CACNA1A: variants seen among roughly 807,000 people sequenced by gnomAD.
The protein encoded by CACNA1A is calcium voltage-gated channel subunit alpha1 A, also known as voltage-dependent P/Q-type calcium channel subunit alpha-1A.
CACNA1A carries 57 observed loss-of-function variants against 262.4 expected under a neutral mutation model. The ratio of observed to expected loss-of-function variants is 0.22; its 90% CI spans 0.18 to 0.27. CACNA1A has a LOEUF of 0.27. CACNA1A is among the 10% of genes least tolerant of loss of function. The pLI is 1.00. For missense variants in CACNA1A, 2,526 were observed against 3,562.8 expected (o/e 0.71, Z 7.41); for synonymous variants, 1,431 against 1,419.3 (o/e 1.01, Z -0.18).
intron 4 of CACNA1A, among the ~76,000 whole-genome samples, chr19:13,369,864 T>C (rs1415527671): frequency 2.0e-5 from 3 of 152,250 alleles, no homozygotes; most frequent in African/African-American, 7.2e-5. Context: ...TCTGCTGGGA[T>C]CTTGCAGAGA....
intron 19 of CACNA1A, among the ~76,000 whole-genome samples, chr19:13,287,280 G>A (rs1002323150): frequency 6.6e-6 from 1 of 152,122 alleles, no homozygotes; most frequent in African/African-American, 2.4e-5. Context: ...GAGCCTGGGA[G>A]GTTGAGGCTG....
intron 5 of CACNA1A, among the ~76,000 whole-genome samples, chr19:13,360,890 C>G (rs900602126): frequency 6.6e-6 from 1 of 152,188 alleles, no homozygotes; most frequent in African/African-American, 2.4e-5. Flanking sequence ...TGATTTCCAG[C>G]TTAATTGCAT....
chr19:13,395,561 G>A (rs181246780), intron 3 of CACNA1A, among the ~76,000 whole-genome samples: 4 of 151,268 alleles, frequency 2.6e-5, no homozygotes, highest in South Asian at 2.1e-4. Context: ...GCAGTGAGCC[G>A]AGATTGTGCC....
rs771389043 is a variant in CACNA1A at position 13,286,506 on chromosome 19, G to A, written c.3550C>T (p.Gln1184Ter). 1 of 1,422,732 alleles carries A rather than the reference G, an allele frequency of 7.0e-7. No homozygotes were observed. The highest frequency in any genetic ancestry group is 9.5e-7 in the Non-Finnish European group (1 of 1,050,320). 88.1% of individuals were successfully genotyped at this position (1,422,732 alleles called of 1,614,324 possible). A position where few individuals can be genotyped will look rare whatever the true frequency, so the allele number is the denominator to read the frequency against. ...CPPPLNHTVV[Q>*]VNKNANPDPL... is the part of the protein sequence containing the mutation. ...ATGTGAGAGCAGAGGGTCTCACCTTGTACGACGGTGTGGTTGAGGGGGGGT... is the reference window on the plus strand; with the variant it reads ...ATGTGAGAGCAGAGGGTCTCACCTTATACGACGGTGTGGTTGAGGGGGGGT... The change falls in exon 20 of 47, where the codon CAA becomes TAA. Residue 1184 changes from glutamine (Q) to a stop codon, truncating the protein, a stop_gained. Coordinates refer to ENST00000360228, the MANE Select transcript of CACNA1A (RefSeq NM_001127222.2). LOFTEE classifies it high-confidence loss of function.
At chr19:13,257,073 G>A (rs2056592257) in intron 28 of CACNA1A, 1 of 262,408 alleles carries the variant, frequency 3.8e-6, no homozygotes, top group Non-Finnish European at 7.3e-6. Context: ...TGCAGTGTGA[G>A]CAAAAAATAA....
In CACNA1A at chr19:13,286,907, A is replaced by C; in HGVS notation, c.3149T>G (p.Ile1050Ser). The C allele has an allele frequency of 6.2e-7, 1 of 1,613,038 alleles. No individual in the cohort carries two copies. The highest frequency in any genetic ancestry group is 8.5e-7 in the Non-Finnish European group (1 of 1,179,742). Residue 1050 changes from isoleucine to serine, a missense_variant, in exon 20 of 47, where the codon ATC becomes AGC. Ile to Ser is a moderately radical substitution (Grantham distance 142). This residue lies in a region of CACNA1A where 765 missense variants were observed against 748.6 expected (regional missense o/e 1.02). Coordinates refer to ENST00000360228, the MANE Select transcript of CACNA1A (RefSeq NM_001127222.2). ...SGPNLSTTRP[I>S]QQDLGRQDPP... The stretch of plus-strand genomic sequence containing the variant: ...GTCTTGGCGGCCCAGGTCCTGCTGG[A>C]TTGGCCGGGTGGTTGACAGGTTGGG...
At position 13,210,531 on chromosome 19, in the gene CACNA1A, G is replaced by A. The variant is rs2054769705; in HGVS notation, c.6339+86C>T. The A allele has an allele frequency of 3.0e-5, 37 of 1,233,184 alleles. No homozygotes were observed. In the South Asian group the frequency reaches 4.3e-4, roughly 14 times the overall value. 76.4% of individuals were successfully genotyped at this position (1,233,184 alleles called of 1,614,324 possible). Reference sequence around the variant, plus strand: ...AGAAAGGGTGGGGTCCGGGGACGGTGAGAGATGACGGGACTCCCTGGAGGG... The same window carrying A: ...AGAAAGGGTGGGGTCCGGGGACGGTAAGAGATGACGGGACTCCCTGGAGGG... On this transcript the variant is annotated intron_variant, in intron 44 of 46. Transcript: ENST00000360228.
At chr19:13,221,819 G>A (rs974403925) in intron 38 of CACNA1A, among the ~76,000 whole-genome samples, 1 of 152,080 alleles carries the variant, frequency 6.6e-6, no homozygotes, top group East Asian at 1.9e-4. Context: ...GTCTCTGCCC[G>A]CCTCCCTGGC....
chr19:13,280,286 C>T (rs1488113005), intron 22 of CACNA1A, among the ~76,000 whole-genome samples: 1 of 151,946 alleles, frequency 6.6e-6, no homozygotes, highest in Non-Finnish European at 1.5e-5. Flanking sequence ...AGTGATCCTC[C>T]CACCTCAGCC....
At chr19:13,248,856 TAA>T (rs1171614575) in intron 30 of CACNA1A, among the ~76,000 whole-genome samples, 1 of 87,296 alleles carries the variant, frequency 1.1e-5, no homozygotes, top group Non-Finnish European at 2.3e-5. Context: ...AAAAAAAAAA[TAA>T]TAATAAATTA....
At chr19:13,253,266 C>T (rs965347197) in intron 29 of CACNA1A, among the ~76,000 whole-genome samples, 165 bp from the exon 30 acceptor site, 4 of 151,576 alleles carry the variant, frequency 2.6e-5, no homozygotes, top group Admixed American at 2.6e-4. Context: ...CGCTCTCCGC[C>T]GGACTAGGCT....
chr19:13,384,515 T>C (rs1304079617), intron 3 of CACNA1A, among the ~76,000 whole-genome samples: 2 of 152,114 alleles, frequency 1.3e-5, no homozygotes, highest in African/African-American at 2.4e-5. Context: ...CTGGCCAACA[T>C]GGCAAAACTC....
chr19:13,214,068 G>C lies in CACNA1A; in HGVS notation c.5940+165C>G. The C allele has an allele frequency of 1.6e-6, 1 of 620,520 alleles. No individual in the cohort carries two copies. Among genetic ancestry groups the C allele is most frequent in the South Asian group, 1.8e-5 (1 of 54,278 alleles). 38.4% of individuals were successfully genotyped at this position (620,520 alleles called of 1,614,324 possible). On this transcript the variant is annotated intron_variant, in intron 40 of 46. Transcript: ENST00000360228. This position sits in a 1 kb window ranked among gnomAD's most constrained non-coding sequence, Gnocchi z 4.1. The stretch of plus-strand genomic sequence containing the variant: ...GGTCTCAAACGATCCCTCTGCCCTG[G>C]CCTCTCAAAGCACTGAGATTGCAGG...
chr19:13,255,006 G>T, intron 29 of CACNA1A, 89 bp downstream of exon 29: 1 of 1,394,586 alleles, frequency 7.2e-7, no homozygotes, highest in Non-Finnish European at 1.0e-6. Context: ...GGTCTGTCTG[G>T]GAAACTGCAG....
intron 12 of CACNA1A, among the ~76,000 whole-genome samples, chr19:13,309,510 C>T (rs1270470300): frequency 1.4e-5 from 2 of 146,032 alleles, no homozygotes; most frequent in East Asian, 4.2e-4. Flanking sequence ...CTGGGTAACA[C>T]AGGGAAACCC....
intron 1 of CACNA1A, among the ~76,000 whole-genome samples, chr19:13,467,627 C>CA (rs1384291853): frequency 6.9e-6 from 1 of 144,840 alleles, no homozygotes; most frequent in African/African-American, 2.6e-5. Flanking sequence ...TTTTGTGAGA[C>CA]AGAGTCTCAG....
In CACNA1A at chr19:13,212,876, C is replaced by A; in HGVS notation, c.5941-136G>T. The A allele has an allele frequency of 2.1e-6, 1 of 480,670 alleles. No homozygotes were observed. The highest frequency in any genetic ancestry group is 4.6e-5 in the South Asian group (1 of 21,688). 29.8% of individuals were successfully genotyped at this position (480,670 alleles called of 1,614,324 possible). A position where few individuals can be genotyped will look rare whatever the true frequency, so the allele number is the denominator to read the frequency against. On this transcript the variant is annotated intron_variant, in intron 40 of 46. Transcript: ENST00000360228. The surrounding 1 kb of genome is among the most constrained non-coding windows in gnomAD (Gnocchi z 5.6). Reference sequence around the variant, plus strand: ...CTCTCAGGTCTCATCCATCTAGACCCTTCCAATTCCACGCAGAACTGGACC... The same window carrying A: ...CTCTCAGGTCTCATCCATCTAGACCATTCCAATTCCACGCAGAACTGGACC...
At chr19:13,302,250 G>A (rs1310207220) in intron 17 of CACNA1A, among the ~76,000 whole-genome samples, 1 of 152,140 alleles carries the variant, frequency 6.6e-6, no homozygotes, top group Non-Finnish European at 1.5e-5. Flanking sequence ...TCTCTGTTGT[G>A]TTTATCACCA....
In CACNA1A at chr19:13,285,145, C is replaced by T; in HGVS notation, c.3615G>A (p.Glu1205=). 6 of 1,613,746 alleles carry T rather than the reference C, an allele frequency of 3.7e-6. No homozygotes were observed. The highest frequency in any genetic ancestry group is 5.1e-6 in the Non-Finnish European group (6 of 1,179,746). The part of the protein sequence containing the change: ...PKKEEEKKEE[E]EDDRGEDGPK... ...GGCCGTCTTCCCCACGGTCGTCTTC[C>T]TCCTCCTCCTTCTTCTCTTCCTCTT... The change falls in exon 21 of 47, where the codon GAG becomes GAA. Residue 1205 remains glutamate, a synonymous_variant. Coordinates refer to ENST00000360228, the MANE Select transcript of CACNA1A (RefSeq NM_001127222.2).
Sources: gnomAD v4.1 joint callset for allele counts (sites outside exome capture counted in the v4.1 genomes callset) on GRCh38, gnomAD v4.1.1 for gene constraint, gnomAD v4.1.1 regional missense constraint, Gnocchi (gnomAD v3.1) non-coding constraint, MANE v1.5 for transcripts, NCBI Gene and HGNC (gene_info 2026-07-23, HGNC 2026-07-21) for gene names.